Variants in FHIT observed in about 807,000 individuals in gnomAD.
FHIT encodes the protein bis(5'-adenosyl)-triphosphatase.
A neutral mutation model predicts 17.9 loss-of-function variants in FHIT; 19 were observed. The observed-to-expected ratio is 1.06, with a 90% CI of 0.74 to 1.56. The LOEUF (loss-of-function observed/expected upper bound fraction) is 1.56. Ranked by LOEUF, FHIT falls within the 40% of genes most tolerant of loss-of-function variation. The pLI, the probability that FHIT is intolerant of heterozygous loss-of-function variation, is 0.00. For missense variants in FHIT, 248 were observed against 189.2 expected, an observed-to-expected ratio of 1.31 and a Z score of -1.82; for synonymous variants, 81 against 69.7, an observed-to-expected ratio of 1.16 and a Z score of -0.81.
intron 5 of FHIT, among the ~76,000 whole-genome samples, chr3:60,115,600 G>A (rs1165127624): frequency 2.0e-5 from 3 of 152,092 alleles, no homozygotes; most frequent in African/African-American, 4.8e-5. Context: ...CCAATGTAAT[G>A]ATCAGAGACC....
At chr3:60,432,633 C>T (rs1342888691) in intron 5 of FHIT, among the ~76,000 whole-genome samples, 2 of 152,054 alleles carry the variant, frequency 1.3e-5, no homozygotes, top group Admixed American at 1.3e-4. Context: ...CTAATTTTCA[C>T]AGCTAAACAA....
chr3:60,587,205 C>T (rs1019937137), intron 4 of FHIT, among the ~76,000 whole-genome samples: 17 of 151,912 alleles, frequency 1.1e-4, no homozygotes, highest in African/African-American at 3.4e-4. Flanking sequence ...TTTGCAGGGA[C>T]GTGGATGAAG....
intron 4 of FHIT, among the ~76,000 whole-genome samples, chr3:60,570,934 G>T (rs948597186): frequency 7.9e-5 from 12 of 151,918 alleles, no homozygotes; most frequent in Non-Finnish European, 1.6e-4. Context: ...TGGCAAGCAA[G>T]ACCTGCAATT....
At chr3:60,954,015 C>T (rs1463252350) in intron 3 of FHIT, among the ~76,000 whole-genome samples, 1 of 152,192 alleles carries the variant, frequency 6.6e-6, no homozygotes, top group African/African-American at 2.4e-5. Flanking sequence ...AAGCCTTCAT[C>T]ACTGCACCCT....
chr3:60,455,907 A>C lies in FHIT; in HGVS notation c.103+80953T>G, dbSNP rs148694542. On this transcript the variant is annotated intron_variant, in intron 5 of 9. Coordinates refer to ENST00000492590, the MANE Select transcript of FHIT (RefSeq NM_002012.4). Reference sequence around the variant, plus strand: ...TTTTAAGAAGTCAAAGCCTATTATTAGAAAAATATGTTCACCAAATGCAGC... The same window carrying C: ...TTTTAAGAAGTCAAAGCCTATTATTCGAAAAATATGTTCACCAAATGCAGC... 1.5e-4 allele frequency among the ~76,000 whole-genome samples: 23 copies of C among 152,344 alleles called. 1 individual carries two copies. Among genetic ancestry groups the C allele is most frequent in the Middle Eastern group, 6.8e-3 (2 of 294 alleles).
intron 8 of FHIT, among the ~76,000 whole-genome samples, chr3:59,755,039 A>C (rs1348853731): frequency 6.6e-6 from 1 of 152,112 alleles, no homozygotes; most frequent in Non-Finnish European, 1.5e-5. Flanking sequence ...TCTAAGGTGC[A>C]CTTACTGTTG....
At chr3:60,603,322 G>T (rs145938050) in intron 4 of FHIT, among the ~76,000 whole-genome samples, 1 of 152,010 alleles carries the variant, frequency 6.6e-6, no homozygotes, top group South Asian at 2.1e-4. Flanking sequence ...TTTTTCTTCT[G>T]TTAAATTCAG....
chr3:60,566,817 A>C (rs1379511948), intron 4 of FHIT, among the ~76,000 whole-genome samples: 1 of 150,622 alleles, frequency 6.6e-6, no homozygotes, highest in Non-Finnish European at 1.5e-5. Context: ...CACCAACAAC[A>C]GACAAACAGA....
intron 5 of FHIT, among the ~76,000 whole-genome samples, chr3:60,032,243 C>T (rs2630145): frequency 0.41 from 62,289 of 151,686 alleles, 13,550 homozygotes; most frequent in African/African-American, 0.55. Flanking sequence ...GAGGGTTGCT[C>T]GAGGCTAGGA....
At chr3:60,184,138 TCA>T (rs1164834766) in intron 5 of FHIT, among the ~76,000 whole-genome samples, 3 of 151,992 alleles carry the variant, frequency 2.0e-5, no homozygotes, top group Non-Finnish European at 4.4e-5. Context: ...CCGGGCATTA[TCA>T]CACCTAATTT....
intron 2 of FHIT, among the ~76,000 whole-genome samples, chr3:61,157,510 C>T (rs537533809): frequency 6.6e-6 from 1 of 152,112 alleles, no homozygotes; most frequent in Non-Finnish European, 1.5e-5. Flanking sequence ...CCAGAGGAAC[C>T]TTGGGAGCAT....
At chr3:60,569,756 T>TATATA (rs1491532042) in intron 4 of FHIT, among the ~76,000 whole-genome samples, 16 of 28,652 alleles carry the variant, frequency 5.6e-4, no homozygotes, top group Non-Finnish European at 1.0e-3. Flanking sequence ...TATATATATA[T>TATATA]TTTTTTTTTT....
rs573523900 is a variant in FHIT at position 60,046,749 on chromosome 3, T to G, written c.104-32597A>C. Among the ~76,000 whole-genome samples, 7 of 152,270 alleles carry G rather than the reference T, an allele frequency of 4.6e-5. No homozygotes were observed. The South Asian group carries it at 1.4e-3, about 32-fold the overall frequency. ...TTTTGTCTGTAAACAGTGGGCTTGG[T>G]AGCATTTTTTTAAATCAGAGATGTT... On this transcript the variant is annotated intron_variant, in intron 5 of 9. Transcript: ENST00000492590.
At chr3:60,557,510 T>A (rs565151342) in intron 4 of FHIT, among the ~76,000 whole-genome samples, 5 of 151,796 alleles carry the variant, frequency 3.3e-5, no homozygotes, top group African/African-American at 9.7e-5. Context: ...ATAAAGAGAT[T>A]ACTCAGAGTC....
At chr3:59,952,502 C>A (rs539715712) in intron 7 of FHIT, among the ~76,000 whole-genome samples, 3 of 152,294 alleles carry the variant, frequency 2.0e-5, no homozygotes, top group South Asian at 2.1e-4. Context: ...CCTCCCCTGA[C>A]CAAAGCTAGA....
intron 3 of FHIT, among the ~76,000 whole-genome samples, chr3:60,987,424 C>A (rs1465267786): frequency 6.6e-6 from 1 of 152,216 alleles, no homozygotes; most frequent in Non-Finnish European, 1.5e-5. Flanking sequence ...CATGAGCAAT[C>A]TGTGCCTTAA....
At chr3:60,725,017 C>T (rs114117340) in intron 4 of FHIT, among the ~76,000 whole-genome samples, 2 of 152,248 alleles carry the variant, frequency 1.3e-5, no homozygotes, top group African/African-American at 4.8e-5. Context: ...TTTTGATTTG[C>T]ACTTCCCTGA....
intron 5 of FHIT, among the ~76,000 whole-genome samples, chr3:60,313,130 T>A (rs373225513): frequency 2.0e-5 from 3 of 152,300 alleles, no homozygotes; most frequent in African/African-American, 7.2e-5. Context: ...CATACTCCTA[T>A]CATACTCACT....
intron 5 of FHIT, among the ~76,000 whole-genome samples, chr3:60,526,447 G>A (rs1385149809): frequency 6.6e-6 from 1 of 152,024 alleles, no homozygotes; most frequent in Non-Finnish European, 1.5e-5. Context: ...CCTCCTACTC[G>A]GACATTCATG....
Sources: gnomAD v4.1 joint callset for allele counts (sites outside exome capture counted in the v4.1 genomes callset) on GRCh38, gnomAD v4.1.1 for gene constraint, MANE v1.5 for transcripts, NCBI Gene and HGNC (gene_info 2026-07-23, HGNC 2026-07-21) for gene names.